The following MED23 variants were observed in gnomAD, a reference collection of about 807,000 sequenced individuals.
MED23 encodes mediator of RNA polymerase II transcription subunit 23.
In MED23, 105 loss-of-function variants were observed where a neutral mutation model predicts 163.9. The ratio of observed to expected loss-of-function variants is 0.64; its 90% CI spans 0.55 to 0.75. MED23 has a LOEUF of 0.75. Ranked by LOEUF, MED23 falls within the 30% of genes least tolerant of loss-of-function variation. The pLI, the probability that MED23 is intolerant of heterozygous loss-of-function variation, is 0.00. For missense variants in MED23, 1,054 were observed against 1,649.0 expected (o/e 0.64, Z 6.25); for synonymous variants, 561 against 565.6 (o/e 0.99, Z 0.12).
chr6:131,624,760 CCTT>C (rs1562408606), intron 4 of MED23, 102 bp downstream of exon 4: 20 of 1,282,682 alleles, frequency 1.6e-5, no homozygotes, highest in African/African-American at 2.9e-5. Flanking sequence ...ATAAACCTCA[CCTT>C]CTTCTTCATT....
downstream of MED23, among the ~76,000 whole-genome samples, chr6:131,585,250 A>G (rs905365340): frequency 1.3e-5 from 2 of 152,162 alleles, no homozygotes; most frequent in Non-Finnish European, 2.9e-5. Flanking sequence ...ACGGTAATCA[A>G]AACAAGGGAA....
In MED23 at chr6:131,595,966, T is replaced by G. The variant is rs55809309; in HGVS notation, c.2976A>C (p.Gly992=). The G allele has an allele frequency of 9.0e-5, 145 of 1,613,810 alleles. No homozygotes were observed. Among genetic ancestry groups the G allele is most frequent in the Admixed American group, 2.5e-4 (15 of 60,020 alleles). ...KSLETLLDHL[G]GLYKFHDRPV... ...GCTCACCATGAAATTTATATAAGCC[T>G]CCTAGATGATCCAGTAGAGTCTCCA... Residue 992 remains glycine, a synonymous_variant, in exon 22 of 29, where the codon GGA becomes GGC. Transcript: ENST00000368068.
At chr6:131,579,126 A>G in intron 30 of MED23, 1 of 1,614,112 alleles carries the variant, frequency 6.2e-7, no homozygotes, top group Non-Finnish European at 8.5e-7. Context: ...GATGTGAAGG[A>G]TTATGGGGAC....
intron 28 of MED23, among the ~76,000 whole-genome samples, 171 bp from the exon 29 acceptor site, chr6:131,588,017 T>C (rs982802764): frequency 6.6e-6 from 1 of 152,200 alleles, no homozygotes; most frequent in African/African-American, 2.4e-5. Context: ...CAATGATTTC[T>C]TTCTTGCATG....
At chr6:131,595,859 C>A in intron 22 of MED23, 88 bp downstream of exon 22, 1 of 962,056 alleles carries the variant, frequency 1.0e-6, no homozygotes, top group South Asian at 1.3e-5. Context: ...AAAATAAAAC[C>A]TTTAGAGCCA....
intron 30 of MED23, chr6:131,579,025 C>T: frequency 1.1e-5 from 16 of 1,444,000 alleles, no homozygotes; most frequent in Non-Finnish European, 1.3e-5. Flanking sequence ...TGAATATATG[C>T]CTATTTTATA....
chr6:131,592,307 A>G, intron 25 of MED23, 81 bp downstream of exon 25: 1 of 1,195,124 alleles, frequency 8.4e-7, no homozygotes, highest in Admixed American at 1.7e-5. Flanking sequence ...AGGGCATCCT[A>G]TATGCATCTT....
At chr6:131,576,285 A>C (rs1391626171) in intron 30 of MED23, among the ~76,000 whole-genome samples, 3 of 152,234 alleles carry the variant, frequency 2.0e-5, no homozygotes, top group African/African-American at 7.2e-5. Context: ...AAGCCTTTTC[A>C]TTATTGGATC....
At chr6:131,583,555 C>T (rs1008323957), downstream of MED23, 5 of 1,465,982 alleles carry the variant, frequency 3.4e-6, no homozygotes, top group African/African-American at 1.5e-4. Flanking sequence ...ATTTATACCT[C>T]CTTGACCTGA....
At position 131,589,605 on chromosome 6, in the gene MED23, CA is replaced by C; in HGVS notation, c.3808-10del. 1 of 1,613,286 alleles carries C rather than the reference CA, an allele frequency of 6.2e-7. No homozygotes were observed. The highest frequency in any genetic ancestry group is 8.5e-7 in the Non-Finnish European group (1 of 1,179,572). On this transcript the variant is annotated splice_polypyrimidine_tract_variant and intron_variant, in intron 27 of 28. Coordinates refer to ENST00000368068, the MANE Select transcript of MED23 (RefSeq NM_004830.4). ...TAAAACGCCACACCAATCTATTTAA[CA>C]AATAATGTAAAATTATTTAAGTGAT...
intron 26 of MED23, 45 bp downstream of exon 26, chr6:131,591,268 G>A (rs772475867): frequency 2.0e-5 from 29 of 1,469,492 alleles, no homozygotes; most frequent in South Asian, 1.5e-4. Context: ...ATGAACCACC[G>A]CACCCAGCCT....
chr6:131,592,282 A>G (rs1016886621), intron 25 of MED23, 106 bp downstream of exon 25: 5 of 921,860 alleles, frequency 5.4e-6, no homozygotes, highest in Non-Finnish European at 8.9e-6. Flanking sequence ...ATTAATTTGC[A>G]TGACGTCCCG....
Position 131,579,301 on chromosome 6 carries a change from T to C in MED23, c.4096-5006A>G, listed in dbSNP as rs1190917489. ...GAGACCACAGGTCTTGTTGAATAAC[T>C]GTGTCTATGGGAATCTGGCACAAAG... On this transcript the variant is annotated intron_variant, in intron 30 of 30. Coordinates refer to the MED23 transcript ENST00000354577. The C allele has an allele frequency of 6.2e-7, 1 of 1,613,476 alleles. No individual in the cohort carries two copies. The highest frequency in any genetic ancestry group is 2.2e-5 in the East Asian group (1 of 44,884).
intron 17 of MED23, among the ~76,000 whole-genome samples, chr6:131,601,550 G>A (rs1775483059): frequency 6.6e-6 from 1 of 152,144 alleles, no homozygotes; most frequent in African/African-American, 2.4e-5. Context: ...TCCATGTGAT[G>A]TCAAAGAACA....
intron 9 of MED23, among the ~76,000 whole-genome samples, 194 bp downstream of exon 9, chr6:131,618,213 G>A (rs533218195): frequency 9.2e-5 from 14 of 152,276 alleles, no homozygotes; most frequent in African/African-American, 2.6e-4. Flanking sequence ...TGGACCACTG[G>A]AGCATAAACA....
At position 131,621,920 on chromosome 6, in the gene MED23, C is replaced by A; in HGVS notation, c.456G>T (p.Val152=). ...GAAGCTGCTGTACAACAGCAGAGCT[C>A]ACTGTATTAGGAATTGTCAAAATCT... ...LEKILTIPNT[V]SSAVVQQLLA... Residue 152 remains valine, a synonymous_variant, in exon 6 of 29, where the codon GTG becomes GTT. Coordinates refer to ENST00000368068, the MANE Select transcript of MED23 (RefSeq NM_004830.4). 6.2e-7 allele frequency: 1 copy of A among 1,613,618 alleles called. No individual in the cohort carries two copies. Among genetic ancestry groups the A allele is most frequent in the South Asian group, 1.1e-5 (1 of 91,012 alleles).
intron 30 of MED23, chr6:131,579,256 A>C (rs1773791337): frequency 6.2e-7 from 1 of 1,614,124 alleles, no homozygotes; most frequent in East Asian, 2.2e-5. Context: ...AGAACGGAAG[A>C]ATCAGCCTGG....
chr6:131,606,253 T>TA (rs566771739), intron 13 of MED23, among the ~76,000 whole-genome samples: 1,969 of 148,176 alleles, frequency 0.013, 47 homozygotes, highest in African/African-American at 0.046. Flanking sequence ...CCTTAAAAAT[T>TA]AAAAAAAAAA....
At chr6:131,623,319 AG>A (rs756705231) in intron 5 of MED23, 31 bp downstream of exon 5, 2 of 1,535,004 alleles carry the variant, frequency 1.3e-6, no homozygotes, top group African/African-American at 2.7e-5. Flanking sequence ...CATATCTGAA[AG>A]CAATCACTTT....
Sources: gnomAD v4.1 joint callset for allele counts (sites outside exome capture counted in the v4.1 genomes callset) on GRCh38, gnomAD v4.1.1 for gene constraint, MANE v1.5 for transcripts, NCBI Gene and HGNC (gene_info 2026-07-23, HGNC 2026-07-21) for gene names.